The following CYP24A1 variants were observed in gnomAD, a reference collection of about 807,000 sequenced individuals.
CYP24A1 encodes the protein 1,25-dihydroxyvitamin D(3) 24-hydroxylase, mitochondrial.
Under a neutral mutation model 62.4 loss-of-function variants are expected in CYP24A1, and 68 were observed. The ratio of observed to expected loss-of-function variants is 1.09; its 90% CI spans 0.90 to 1.33. The LOEUF (loss-of-function observed/expected upper bound fraction) is 1.33, where lower values mean the gene tolerates loss of function less well. Ranked by LOEUF, CYP24A1 falls within the 40% of genes most tolerant of loss-of-function variation. The pLI is 0.00. For synonymous variants in CYP24A1, 267 were observed against 253.0 expected (o/e 1.06, Z -0.52); for missense variants, 787 against 653.0 (o/e 1.21, Z -2.24).
At chr20:54,149,846 T>A (rs8118441), downstream of CYP24A1, among the ~76,000 whole-genome samples, 29,028 of 152,136 alleles carry the variant, frequency 0.19, 3,214 homozygotes, top group East Asian at 0.3. Context: ...CATGCACATC[T>A]CAAAATGTGA....
chr20:54,158,283 C>T, intron 8 of CYP24A1, 119 bp from the exon 9 acceptor site: 1 of 1,538,266 alleles, frequency 6.5e-7, no homozygotes, highest in Non-Finnish European at 8.8e-7. Context: ...AAAGAGGCAG[C>T]ATGATCACAG....
In CYP24A1 at chr20:54,162,504, G is replaced by A. The variant is rs527253649; in HGVS notation, c.990+213C>T. The A allele has an allele frequency of 1.4e-5, 8 of 561,644 alleles. 1 individual carries two copies. Among genetic ancestry groups the A allele is most frequent in the South Asian group, 1.2e-4 (6 of 49,816 alleles). The allele number at this position is 561,644 out of a possible 1,614,324, so 34.8% of individuals were successfully genotyped here. On this transcript the variant is annotated intron_variant, in intron 7 of 11. Coordinates refer to ENST00000216862, the MANE Select transcript of CYP24A1 (RefSeq NM_000782.5). ...ACAGAAGCCCGTGCATGGAGGCACCGTGGCGTCTGGTATGAGGCCGTGCGC... is the reference window on the plus strand; with the variant it reads ...ACAGAAGCCCGTGCATGGAGGCACCATGGCGTCTGGTATGAGGCCGTGCGC...
intron 4 of CYP24A1, 115 bp from the exon 5 acceptor site, chr20:54,165,948 G>A: frequency 1.3e-6 from 1 of 769,474 alleles, no homozygotes; most frequent in South Asian, 1.5e-5. Context: ...GGGATTTTCT[G>A]AGAAAAGGCA....
chr20:54,170,783 G>C (rs76524204), intron 3 of CYP24A1, among the ~76,000 whole-genome samples: 5,457 of 152,132 alleles, frequency 0.036, 118 homozygotes, highest in Non-Finnish European at 0.041. Context: ...AGTCATGTGA[G>C]CCCTGGAAGC....
the CYP24A1 span, among the ~76,000 whole-genome samples, chr20:54,148,320 C>T: frequency 2.0e-5 from 3 of 150,910 alleles, no homozygotes; most frequent in Admixed American, 6.6e-5. Context: ...CATTTTACTA[C>T]TTTGGTTTTG....
In CYP24A1 at chr20:54,172,990, C is replaced by T. The variant is rs371481742; in HGVS notation, c.368G>A (p.Ser123Asn). ...GATCTCCAGCCGCTGCGGGTACGCG[C>T]TCTCGGTGCGGTACAGCGCTTCCAG... ...CLLEALYRTE[S>N]AYPQRLEIKP... Residue 123 changes from serine (S) to asparagine (N), a missense_variant, in exon 2 of 12, where the codon AGC becomes AAC. Coordinates refer to ENST00000216862, the MANE Select transcript of CYP24A1 (RefSeq NM_000782.5). 2 of 1,612,606 alleles carry T rather than the reference C, an allele frequency of 1.2e-6. No homozygotes were observed. The highest frequency in any genetic ancestry group is 1.3e-5 in the African/African-American group (1 of 74,940).
At position 54,173,010 on chromosome 20, in the gene CYP24A1, T is replaced by C. The variant is rs2092699538; in HGVS notation, c.348A>G (p.Glu116=). 1 of 1,611,570 alleles carries C rather than the reference T, an allele frequency of 6.2e-7. No homozygotes were observed. The highest frequency in any genetic ancestry group is 8.5e-7 in the Non-Finnish European group (1 of 1,180,032). Residue 116 remains glutamate (E), a synonymous_variant, in exon 2 of 12, where the codon GAA becomes GAG. Transcript: ENST00000216862. This position sits in a 1 kb window ranked among gnomAD's most constrained non-coding sequence, Gnocchi z 7.2. Reference sequence around the variant, plus strand: ...ACGCGCTCTCGGTGCGGTACAGCGCTTCCAGCAGGCATGGCGAGCCCAGGT... The same window carrying C: ...ACGCGCTCTCGGTGCGGTACAGCGCCTCCAGCAGGCATGGCGAGCCCAGGT... ...SVHLGSPCLL[E]ALYRTESAYP...
In CYP24A1 at chr20:54,173,524, CG is replaced by C. The variant is rs2092702812; in HGVS notation, c.55del (p.Arg19AlafsTer10). 6.4e-7 allele frequency: 1 copy of C among 1,572,924 alleles called. No homozygotes were observed. Among genetic ancestry groups the C allele is most frequent in the Admixed American group, 1.8e-5 (1 of 55,788 alleles). On this transcript the variant is annotated frameshift_variant, in exon 1 of 12. Coordinates refer to ENST00000216862, the MANE Select transcript of CYP24A1 (RefSeq NM_000782.5). LOFTEE classifies it high-confidence loss of function. The surrounding 1 kb of genome is among the most constrained non-coding windows in gnomAD (Gnocchi z 7.2). ...CAGTCTCGGGGGCTGCCTCGGACTGCGCAGCTGCTGCAGGAAGGCGGCAAGC... is the reference window on the plus strand; with the variant it reads ...CAGTCTCGGGGGCTGCCTCGGACTGCCAGCTGCTGCAGGAAGGCGGCAAGC... ...RSLAAFLQQL[R>X]SPRQPPRLVT... is the part of the protein sequence containing the mutation.
In CYP24A1 at chr20:54,171,607, T is replaced by G; in HGVS notation, c.513A>C (p.Glu171Asp). 6.2e-7 allele frequency: 1 copy of G among 1,613,956 alleles called. No individual in the cohort carries two copies. Among genetic ancestry groups the G allele is most frequent in the Non-Finnish European group, 8.5e-7 (1 of 1,179,878 alleles). ...AFQKKLMKPG[E>D]VMKLDNKINE... is the part of the protein sequence containing the mutation. ...TGATTTTGTTGTCCAGCTTCATCAC[T>G]TCCCCTGGTTTCATTAGTTTCTTTT... Residue 171 changes from glutamate (E) to aspartate (D), a missense_variant, in exon 3 of 12, where the codon GAA becomes GAC. Glu to Asp is a conservative substitution (Grantham distance 45, BLOSUM62 2). Transcript: ENST00000216862.
chr20:54,165,811 C>G lies in CYP24A1; in HGVS notation c.663G>C (p.Glu221Asp), dbSNP rs1217784616. ...TCTTCTGGAGAAGCCCAAATCTCTT[C>G]TCATACAACACGAGGCAGATACCTG... ...SFESICLVLY[E>D]KRFGLLQKNA... The change falls in exon 5 of 12, where the codon GAG (glutamate) becomes GAC (aspartate). Residue 221 changes from glutamate (E) to aspartate (D), a missense_variant. Physicochemically the swap from Glu to Asp is conservative, Grantham distance 45 (BLOSUM62 2). Coordinates refer to ENST00000216862, the MANE Select transcript of CYP24A1 (RefSeq NM_000782.5). 6.8e-7 allele frequency: 1 copy of G among 1,478,422 alleles called. No homozygotes were observed. The highest frequency in any genetic ancestry group is 1.1e-5 in the South Asian group (1 of 88,402). The allele number at this position is 1,478,422 out of a possible 1,614,324, so 91.6% of individuals were successfully genotyped here.
At chr20:54,164,398 C>T in intron 6 of CYP24A1, 54 bp downstream of exon 6, 4 of 1,613,410 alleles carry the variant, frequency 2.5e-6, no homozygotes, top group Non-Finnish European at 3.4e-6. Context: ...TCTGAAGCTC[C>T]AGACACGGGG....
chr20:54,158,639 T>A (rs949588562), intron 8 of CYP24A1, among the ~76,000 whole-genome samples: 2 of 152,244 alleles, frequency 1.3e-5, no homozygotes, highest in African/African-American at 4.8e-5. Context: ...TATATAATAA[T>A]ATAGCTCTTT....
intron 4 of CYP24A1, among the ~76,000 whole-genome samples, chr20:54,168,796 TTCCCTCCC>T (rs1333431846): frequency 6.2e-5 from 3 of 48,084 alleles, no homozygotes; most frequent in Admixed American, 1.8e-4. Context: ...CCCTTCTGCC[TTCCCTCCC>T]TCCCTCCCTC....
At chr20:54,166,649 C>T (rs1489548440) in intron 4 of CYP24A1, among the ~76,000 whole-genome samples, 2 of 152,206 alleles carry the variant, frequency 1.3e-5, no homozygotes, top group South Asian at 2.1e-4. Context: ...AGAACCTTAG[C>T]GACCATTCCA....
downstream of CYP24A1, among the ~76,000 whole-genome samples, chr20:54,151,713 C>T (rs1219072392): frequency 6.6e-6 from 1 of 151,972 alleles, no homozygotes; most frequent in Non-Finnish European, 1.5e-5. Flanking sequence ...CAGGCGCGTG[C>T]CACCACGCCC....
At chr20:54,160,660 T>C (rs747037625) in intron 7 of CYP24A1, among the ~76,000 whole-genome samples, 24 of 152,214 alleles carry the variant, frequency 1.6e-4, no homozygotes, top group Admixed American at 9.8e-4. Flanking sequence ...TCAAATTAGA[T>C]ACACTTTCAA....
At chr20:54,169,565 G>GT (rs2092686546) in intron 4 of CYP24A1, 27 bp downstream of exon 4, 6 of 1,613,968 alleles carry the variant, frequency 3.7e-6, no homozygotes, top group Non-Finnish European at 4.2e-6. Flanking sequence ...TGCAAAATCA[G>GT]TGAGCAAGTC....
In CYP24A1 at chr20:54,158,949, G is replaced by T; in HGVS notation, c.1157+8C>A. On this transcript the variant is annotated splice_region_variant and intron_variant, in intron 8 of 11. Transcript: ENST00000216862. ...CACATTTATATTGGCTCAGAGATAG[G>T]CTCTTACCTCATAGATTCTTTCAGA... 1 of 1,614,108 alleles carries T rather than the reference G, an allele frequency of 6.2e-7. No individual in the cohort carries two copies. The highest frequency in any genetic ancestry group is 8.5e-7 in the Non-Finnish European group (1 of 1,180,002).
In CYP24A1 at chr20:54,164,441, C is replaced by T. The variant is rs760337236; in HGVS notation, c.844+11G>A. ...GCTGGTTCTGGCTGGTTGTGAAGGG[C>T]GGCCCTTTACCTGATTTGAAAATGG... is the stretch of plus-strand genomic sequence containing the variant. On this transcript the variant is annotated intron_variant, in intron 6 of 11. Transcript: ENST00000216862. 28 of 1,613,886 alleles carry T rather than the reference C, an allele frequency of 1.7e-5. No homozygotes were observed. The highest frequency in any genetic ancestry group is 5.0e-5 in the Admixed American group (3 of 59,990).
Sources: allele counts gnomAD v4.1 joint callset (sites outside exome capture counted in the v4.1 genomes callset), GRCh38; gene constraint gnomAD v4.1.1; non-coding constraint Gnocchi (gnomAD v3.1); transcripts MANE v1.5; gene names NCBI Gene and HGNC (gene_info 2026-07-23, HGNC 2026-07-21).